KATNIP: variants seen among roughly 807,000 people sequenced by gnomAD.
KATNIP encodes katanin interacting protein, also known as katanin-interacting protein.
A neutral mutation model predicts 174.0 loss-of-function variants in KATNIP; 126 were observed. The ratio of observed to expected loss-of-function variants is 0.72; its 90% CI spans 0.63 to 0.84. The LOEUF (loss-of-function observed/expected upper bound fraction) is 0.84. KATNIP is among the 40% of genes least tolerant of loss of function. The pLI is 0.00. For synonymous variants in KATNIP, 810 were observed against 835.7 expected (o/e 0.97, Z 0.53); for missense variants, 1,958 against 2,109.7 (o/e 0.93, Z 1.41).
intron 5 of KATNIP, among the ~76,000 whole-genome samples, chr16:27,642,918 A>G (rs1012003773): frequency 6.6e-6 from 1 of 152,092 alleles, no homozygotes; most frequent in East Asian, 1.9e-4. Flanking sequence ...CAGGTGGGAC[A>G]CATTTATTCT....
intron 2 of KATNIP, among the ~76,000 whole-genome samples, chr16:27,586,108 T>A (rs200806804): frequency 7.3e-5 from 11 of 151,618 alleles, no homozygotes; most frequent in Non-Finnish European, 1.2e-4. Context: ...CTCAAAAAAA[T>A]AATAATAATA....
chr16:27,646,149 T>C (rs1349387822), intron 5 of KATNIP, among the ~76,000 whole-genome samples: 3 of 152,286 alleles, frequency 2.0e-5, no homozygotes, highest in African/African-American at 7.2e-5. Context: ...TTCACACTGG[T>C]GTAAGCAAAA....
Position 27,773,084 on chromosome 16 carries a change from A to T in KATNIP, c.4199-15A>T. ...AAAAAAATTAAGCCTTCTTTTCCTT[A>T]ATAAAGTGTCCCAGTCATTTTCCAG... On this transcript the variant is annotated splice_polypyrimidine_tract_variant and intron_variant, in intron 22 of 27. Coordinates refer to ENST00000261588, the MANE Select transcript of KATNIP (RefSeq NM_015202.5). 1 of 1,505,456 alleles carries T rather than the reference A, an allele frequency of 6.6e-7. No homozygotes were observed. Among genetic ancestry groups the T allele is most frequent in the Non-Finnish European group, 9.1e-7 (1 of 1,096,506 alleles). 93.3% of individuals were successfully genotyped at this position (1,505,456 alleles called of 1,614,324 possible).
intron 2 of KATNIP, among the ~76,000 whole-genome samples, chr16:27,595,528 T>A (rs989611836): frequency 6.6e-6 from 1 of 152,146 alleles, no homozygotes; most frequent in African/African-American, 2.4e-5. Context: ...CCAAGTCTGG[T>A]CGTGTAGATG....
chr16:27,743,775 C>T (rs1034291097), intron 15 of KATNIP, among the ~76,000 whole-genome samples: 17 of 152,132 alleles, frequency 1.1e-4, no homozygotes, highest in Admixed American at 5.9e-4. Context: ...GACTGGAACC[C>T]GCACAGATCA....
At chr16:27,608,697 A>T (rs1279677984) in intron 2 of KATNIP, among the ~76,000 whole-genome samples, 3 of 152,022 alleles carry the variant, frequency 2.0e-5, no homozygotes, top group South Asian at 2.1e-4. Flanking sequence ...TTTAAAAAAC[A>T]CTTTTGTAAA....
intron 14 of KATNIP, among the ~76,000 whole-genome samples, chr16:27,732,497 G>A (rs1442102687): frequency 7.9e-5 from 12 of 152,216 alleles, no homozygotes; most frequent in Non-Finnish European, 8.8e-5. Context: ...GCCTCCTGGG[G>A]AGGACAAGCA....
intron 3 of KATNIP, among the ~76,000 whole-genome samples, chr16:27,624,530 T>C (rs181279295): frequency 8.5e-5 from 13 of 152,230 alleles, no homozygotes; most frequent in African/African-American, 3.1e-4. Flanking sequence ...GAAACAGGCA[T>C]TGAGGCCAGA....
At chr16:27,654,500 G>A in intron 6 of KATNIP, 1 of 933,930 alleles carries the variant, frequency 1.1e-6, no homozygotes, top group South Asian at 1.3e-5. Flanking sequence ...GTGATTTAAT[G>A]AGGAGAAGAT....
chr16:27,611,454 G>A (rs900738791), intron 2 of KATNIP, among the ~76,000 whole-genome samples: 4 of 152,164 alleles, frequency 2.6e-5, no homozygotes, highest in Non-Finnish European at 5.9e-5. Flanking sequence ...ATCTTGCCTG[G>A]CACATAGTAA....
intron 8 of KATNIP, among the ~76,000 whole-genome samples, chr16:27,689,293 G>A (rs2078631996): frequency 6.6e-6 from 1 of 152,106 alleles, no homozygotes; most frequent in Admixed American, 6.5e-5. Flanking sequence ...GCATGTGCCT[G>A]TAGTCCCAGC....
At chr16:27,661,925 T>C (rs1240312518) in intron 6 of KATNIP, among the ~76,000 whole-genome samples, 17 of 49,026 alleles carry the variant, frequency 3.5e-4, no homozygotes, top group Admixed American at 1.3e-3. Context: ...TATATATATA[T>C]ATATATATAT....
intron 14 of KATNIP, among the ~76,000 whole-genome samples, chr16:27,728,486 A>C (rs971067599): frequency 1.3e-5 from 2 of 152,170 alleles, no homozygotes; most frequent in Non-Finnish European, 2.9e-5. Context: ...GCTGGAGTGC[A>C]GTGGCCTGAT....
intron 8 of KATNIP, among the ~76,000 whole-genome samples, chr16:27,689,561 A>C (rs1176455265): frequency 6.6e-6 from 1 of 152,304 alleles, no homozygotes; most frequent in African/African-American, 2.4e-5. Context: ...TCCTGGGCTC[A>C]GGGAGAGACA....
chr16:27,720,493 GTTCTTT>G (rs2080177574), intron 13 of KATNIP, among the ~76,000 whole-genome samples: 1 of 78,262 alleles, frequency 1.3e-5, no homozygotes, highest in Admixed American at 1.9e-4. Context: ...AAAGGGTTTT[GTTCTTT>G]TTTTTTTTTT....
intron 23 of KATNIP, among the ~76,000 whole-genome samples, chr16:27,773,617 A>T (rs1259286454): frequency 6.6e-6 from 1 of 152,204 alleles, no homozygotes; most frequent in Admixed American, 6.5e-5. Context: ...GTATGCCCAC[A>T]CCAGAATTTG....
In KATNIP at chr16:27,698,440, C is replaced by T. The variant is rs772125845; in HGVS notation, c.1053C>T (p.Asn351=). 43 of 1,613,404 alleles carry T rather than the reference C, an allele frequency of 2.7e-5. No homozygotes were observed. Among genetic ancestry groups the T allele is most frequent in the East Asian group, 1.1e-4 (5 of 44,884 alleles). The change falls in exon 9 of 28, where the codon AAC becomes AAT. Residue 351 remains asparagine (N), a synonymous_variant. Coordinates refer to ENST00000261588, the MANE Select transcript of KATNIP (RefSeq NM_015202.5). ...TGCTCCAAGCCATCCAGGTGGAGAA[C>T]GCAGCCCTGCAGAGGGCGCTCCTCA... is the stretch of plus-strand genomic sequence containing the variant. ...SAVLQAIQVE[N]AALQRALLSR... is the part of the protein sequence containing the mutation.
At chr16:27,631,292 AT>A in intron 5 of KATNIP, 130 bp downstream of exon 5, 1 of 675,566 alleles carries the variant, frequency 1.5e-6, no homozygotes, top group South Asian at 1.9e-5. Context: ...CAATCCCAGC[AT>A]TTTGGGAGGG....
At chr16:27,620,775 G>A (rs968471226) in intron 3 of KATNIP, among the ~76,000 whole-genome samples, 2 of 152,216 alleles carry the variant, frequency 1.3e-5, no homozygotes, top group East Asian at 1.9e-4. Context: ...TCTGAGCAGA[G>A]ATCTGCCTAG....
Sources: allele counts gnomAD v4.1 joint callset (sites outside exome capture counted in the v4.1 genomes callset), GRCh38; gene constraint gnomAD v4.1.1; transcripts MANE v1.5; gene names NCBI Gene and HGNC (gene_info 2026-07-23, HGNC 2026-07-21).